TLE1: variants seen among roughly 807,000 people sequenced by gnomAD.
TLE1 encodes TLE family member 1, transcriptional corepressor, also known as transducin-like enhancer protein 1.
In TLE1, 21 loss-of-function variants were observed where a neutral mutation model predicts 89.8. The observed-to-expected ratio is 0.23, with a 90% CI of 0.17 to 0.34. The LOEUF is 0.34. Among genes scored for constraint, TLE1 ranks in the 10% least tolerant of loss-of-function variants. The probability of loss-of-function intolerance (pLI) is 1.00; values close to 1 mark genes in which losing one functional copy is unlikely to be tolerated. For synonymous variants in TLE1, 447 were observed against 407.6 expected (o/e 1.10, Z -1.16); for missense variants, 795 against 1,031.2 (o/e 0.77, Z 3.14).
In TLE1 at chr9:81,649,765, G is replaced by A. The variant is rs1289448014; in HGVS notation, c.372+2449C>T. Among the ~76,000 whole-genome samples, 5 of 152,056 alleles carry A rather than the reference G, an allele frequency of 3.3e-5. No individual in the cohort carries two copies. The South Asian group carries it at 6.2e-4, about 19-fold the overall frequency. On this transcript the variant is annotated intron_variant, in intron 6 of 19. Transcript: ENST00000376499. ...AGTTTCCCGGTACCTCCTCCCCTCT[G>A]GGGAGACAGGTTGACACACTGCATG...
chr9:81,637,892 C>T (rs3814533), intron 6 of TLE1, among the ~76,000 whole-genome samples: 136,906 of 152,106 alleles, frequency 0.9, 61,627 homozygotes, highest in South Asian at 0.92. Context: ...ATTTCACAGA[C>T]GATACTGGCT....
At chr9:81,681,319 G>T (rs1051803419) in intron 4 of TLE1, among the ~76,000 whole-genome samples, 1 of 152,136 alleles carries the variant, frequency 6.6e-6, no homozygotes, top group African/African-American at 2.4e-5. Flanking sequence ...CGAAGCCGAG[G>T]CGGGGGGAAT....
chr9:81,584,589 T>G (rs893766635), intron 18 of TLE1, 65 bp from the exon 19 acceptor site: 2 of 1,467,450 alleles, frequency 1.4e-6, no homozygotes, highest in Non-Finnish European at 1.9e-6. Flanking sequence ...AATTAGCAAC[T>G]TGGACTTAAT....
intron 1 of TLE1, among the ~76,000 whole-genome samples, chr9:81,687,897 G>A (rs914492842): frequency 3.9e-5 from 6 of 152,100 alleles, no homozygotes; most frequent in Admixed American, 1.3e-4. Context: ...GGCGAGAGGA[G>A]AAACAAAGGG....
At chr9:81,627,223 A>C (rs1243345368) in intron 8 of TLE1, among the ~76,000 whole-genome samples, 1 of 152,154 alleles carries the variant, frequency 6.6e-6, no homozygotes. Context: ...TTATAGGGAC[A>C]AAAGAAAAAA....
chr9:81,663,145 C>T (rs1588167716), intron 4 of TLE1, among the ~76,000 whole-genome samples: 2 of 152,152 alleles, frequency 1.3e-5, no homozygotes, highest in South Asian at 4.1e-4. Context: ...TGCACCTGAC[C>T]AATTTACTGT....
At chr9:81,587,008 C>T (rs1587844535) in intron 17 of TLE1, among the ~76,000 whole-genome samples, 2 of 152,198 alleles carry the variant, frequency 1.3e-5, no homozygotes, top group Admixed American at 1.3e-4. Context: ...AATTCTACCA[C>T]CAGAAAGCAT....
intron 17 of TLE1, among the ~76,000 whole-genome samples, 181 bp from the exon 18 acceptor site, chr9:81,585,836 G>A (rs1018366061): frequency 6.6e-6 from 1 of 152,082 alleles, no homozygotes; most frequent in African/African-American, 2.4e-5. Context: ...AAACCTTTAG[G>A]AAACTGGAAA....
intron 6 of TLE1, among the ~76,000 whole-genome samples, chr9:81,638,923 C>G (rs139674150): frequency 2.1e-4 from 32 of 151,832 alleles, no homozygotes; most frequent in African/African-American, 7.5e-4. Flanking sequence ...CCACACCAGC[C>G]GATACATGCA....
chr9:81,633,943 G>A, intron 7 of TLE1, 154 bp downstream of exon 7: 1 of 817,938 alleles, frequency 1.2e-6, no homozygotes, highest in South Asian at 2.7e-5. Context: ...CTTCCAGGGT[G>A]ACCTGTGTTT....
chr9:81,688,827 G>C lies in TLE1; in HGVS notation c.-587C>G, dbSNP rs1355989915. ...TGCGCCTTCGGCCGGGTGCTCGCAG[G>C]CTCCCGGGACGCAAAGGGGAGCGAG... On this transcript the variant is annotated 5_prime_UTR_variant, in exon 1 of 20. Coordinates refer to ENST00000376499, the MANE Select transcript of TLE1 (RefSeq NM_005077.5). 1 of 152,334 alleles carries C rather than the reference G, an allele frequency of 6.6e-6. No individual in the cohort carries two copies. Among genetic ancestry groups the C allele is most frequent in the African/African-American group, 2.4e-5 (1 of 41,474 alleles). 9.4% of individuals were successfully genotyped at this position (152,334 alleles called of 1,614,324 possible).
chr9:81,599,067 T>C (rs1830573244), intron 14 of TLE1, among the ~76,000 whole-genome samples: 2 of 152,170 alleles, frequency 1.3e-5, no homozygotes, highest in African/African-American at 4.8e-5. Context: ...TGACAAAACT[T>C]AGCCTATGAA....
rs184206451 is a variant in TLE1, at chr9:81,586,981, G to T, written c.1977+700C>A. Among the ~76,000 whole-genome samples, 7 of 152,298 alleles carry T rather than the reference G, an allele frequency of 4.6e-5. No homozygotes were observed. In the East Asian group the frequency reaches 1.2e-3, roughly 25 times the overall value. ...AAACAAGGTAAAAAATAAATGCCAA[G>T]TCATGATCGAAAGAACAATTCTACC... is the stretch of plus-strand genomic sequence containing the variant. On this transcript the variant is annotated intron_variant, in intron 17 of 19. Transcript: ENST00000376499.
In TLE1 at chr9:81,584,177, A is replaced by G; in HGVS notation, c.*21T>C. ...ACATTTTGGCCCAATTCAACTATAAACGTTAAACCACATAATGTTTTCAGT... is the reference window on the plus strand; with the variant it reads ...ACATTTTGGCCCAATTCAACTATAAGCGTTAAACCACATAATGTTTTCAGT... On this transcript the variant is annotated 3_prime_UTR_variant, in exon 20 of 20. Coordinates refer to ENST00000376499, the MANE Select transcript of TLE1 (RefSeq NM_005077.5). 6.3e-7 allele frequency: 1 copy of G among 1,595,282 alleles called. No homozygotes were observed. Among genetic ancestry groups the G allele is most frequent in the East Asian group, 2.2e-5 (1 of 44,796 alleles).
At chr9:81,687,849 A>G (rs1468088081) in intron 1 of TLE1, among the ~76,000 whole-genome samples, 1 of 151,960 alleles carries the variant, frequency 6.6e-6, no homozygotes, top group South Asian at 2.1e-4. Flanking sequence ...GGCCACCTCC[A>G]GACGCACCGG....
intron 4 of TLE1, among the ~76,000 whole-genome samples, chr9:81,659,366 C>T (rs1324227443): frequency 6.6e-6 from 1 of 152,198 alleles, no homozygotes; most frequent in East Asian, 1.9e-4. Flanking sequence ...AAATAATTTT[C>T]CTACCCAATG....
intron 6 of TLE1, among the ~76,000 whole-genome samples, chr9:81,642,032 A>G (rs1311384484): frequency 7.2e-6 from 1 of 139,252 alleles, no homozygotes; most frequent in Non-Finnish European, 1.5e-5. Context: ...CCAAAAAAAA[A>G]GAAAGAAAGA....
At chr9:81,678,093 AAAAT>A in intron 4 of TLE1, among the ~76,000 whole-genome samples, 1 of 152,258 alleles carries the variant, frequency 6.6e-6, no homozygotes, top group East Asian at 1.9e-4. Context: ...AAGAAAAACT[AAAAT>A]AAATAGCTGT....
chr9:81,642,527 A>C (rs1828258649), intron 6 of TLE1, among the ~76,000 whole-genome samples: 1 of 79,626 alleles, frequency 1.3e-5, no homozygotes, highest in Non-Finnish European at 3.0e-5. Flanking sequence ...CCCCGTCTCT[A>C]CTTAAAAAAA....
Sources: allele counts gnomAD v4.1 joint callset (sites outside exome capture counted in the v4.1 genomes callset), GRCh38; gene constraint gnomAD v4.1.1; transcripts MANE v1.5; gene names NCBI Gene and HGNC (gene_info 2026-07-23, HGNC 2026-07-21).